WDFY3: variants seen among roughly 807,000 people sequenced by gnomAD.
The protein encoded by WDFY3 is WD repeat and FYVE domain containing 3.
WDFY3 carries 66 observed loss-of-function variants against 409.6 expected under a neutral mutation model. That is an observed-to-expected ratio of 0.16 (90% CI 0.13 to 0.20). WDFY3 has a LOEUF of 0.20. Among genes scored for constraint, WDFY3 ranks in the 10% least tolerant of loss-of-function variants. The pLI, the probability that WDFY3 is intolerant of heterozygous loss-of-function variation, is 1.00. For synonymous variants in WDFY3, 1,521 were observed against 1,537.1 expected, an observed-to-expected ratio of 0.99 and a Z score of 0.25; for missense variants, 3,031 against 4,298.1, an observed-to-expected ratio of 0.71 and a Z score of 8.24.
At chr4:84,738,960 T>C in intron 40 of WDFY3, 50 bp downstream of exon 40, 3 of 1,594,262 alleles carry the variant, frequency 1.9e-6, no homozygotes, top group Non-Finnish European at 2.6e-6. Flanking sequence ...TCTTAAAAAC[T>C]GGAGATAAAA....
intron 56 of WDFY3, among the ~76,000 whole-genome samples, chr4:84,699,031 G>T (rs1024590717): frequency 2.6e-5 from 4 of 151,670 alleles, no homozygotes; most frequent in Non-Finnish European, 5.9e-5. Flanking sequence ...TTTTCTGTGT[G>T]AAGAGGCAAA....
At position 84,860,550 on chromosome 4, in the gene WDFY3, C is replaced by T. The variant is rs1215283657; in HGVS notation, c.42G>A (p.Glu14=). The stretch of plus-strand genomic sequence containing the variant: ...AGGCGTTGTCTTGTGGGCTGCACTC[C>T]TCCTGCCTCGGCCGCCCCATGATCC... The part of the protein sequence containing the change: ...VKRIMGRPRQ[E]ECSPQDNALG... The change falls in exon 4 of 68, where the codon GAG becomes GAA. Residue 14 remains glutamate, a synonymous_variant. Coordinates refer to ENST00000295888, the MANE Select transcript of WDFY3 (RefSeq NM_014991.6). 8 of 1,612,904 alleles carry T rather than the reference C, an allele frequency of 5.0e-6. No individual in the cohort carries two copies. The highest frequency in any genetic ancestry group is 6.8e-6 in the Non-Finnish European group (8 of 1,179,112).
chr4:84,703,745 TG>T (rs1247958730), intron 55 of WDFY3, among the ~76,000 whole-genome samples: 1 of 152,166 alleles, frequency 6.6e-6, no homozygotes, highest in Non-Finnish European at 1.5e-5. Context: ...CATCCCACCT[TG>T]CCCAACCTCC....
chr4:84,695,038 CACTGGT>C (rs1279191078), intron 58 of WDFY3, among the ~76,000 whole-genome samples: 1 of 152,038 alleles, frequency 6.6e-6, no homozygotes, highest in African/African-American at 2.4e-5. Context: ...AAGTATGAGC[CACTGGT>C]ACTTAGTAAA....
intron 36 of WDFY3, among the ~76,000 whole-genome samples, chr4:84,748,378 CA>C (rs1739889135): frequency 1.3e-5 from 2 of 152,128 alleles, no homozygotes; most frequent in South Asian, 4.1e-4. Context: ...TGAACTTGGT[CA>C]AGGCCACACA....
chr4:84,858,370 T>C (rs540580428), intron 4 of WDFY3, among the ~76,000 whole-genome samples: 11 of 152,228 alleles, frequency 7.2e-5, no homozygotes, highest in Non-Finnish European at 1.3e-4. Flanking sequence ...AACACTGATA[T>C]GTGAACACTG....
intron 36 of WDFY3, among the ~76,000 whole-genome samples, chr4:84,748,305 CAGAG>C (rs1739868057): frequency 2.0e-5 from 3 of 152,110 alleles, no homozygotes; most frequent in Admixed American, 6.5e-5. Context: ...CAATAATTCT[CAGAG>C]AGAGGTTCAC....
chr4:84,848,327 T>C lies in WDFY3; in HGVS notation c.304+1575A>G, dbSNP rs183127415. Among the ~76,000 whole-genome samples the C allele has an allele frequency of 5.3e-3, 803 of 151,620 alleles. 6 individuals carry two copies. Among genetic ancestry groups the C allele is most frequent in the Non-Finnish European group, 9.1e-3 (620 of 67,916 alleles). The stretch of plus-strand genomic sequence containing the variant: ...GTAGCTTTCGATTTCTCAATAACAA[T>C]GTAAGAGCCTAAATTATAAAAGAAA... On this transcript the variant is annotated intron_variant, in intron 5 of 67. Transcript: ENST00000295888.
At chr4:84,695,551 GA>G (rs1729996593) in intron 58 of WDFY3, among the ~76,000 whole-genome samples, 4 of 145,948 alleles carry the variant, frequency 2.7e-5, no homozygotes, top group African/African-American at 1.0e-4. Flanking sequence ...GAGAGAGAGA[GA>G]GGCACGCATA....
chr4:84,846,094 A>G (rs1758045764), intron 5 of WDFY3, among the ~76,000 whole-genome samples: 1 of 152,198 alleles, frequency 6.6e-6, no homozygotes. Flanking sequence ...GACACAGGAT[A>G]GAAGACCTAT....
chr4:84,713,363 A>C, intron 50 of WDFY3, 124 bp from the exon 51 acceptor site: 4 of 759,450 alleles, frequency 5.3e-6, no homozygotes, highest in Non-Finnish European at 8.8e-6. Flanking sequence ...AACCCACTAA[A>C]TGGCAGGCAA....
chr4:84,836,859 A>G, intron 7 of WDFY3, 70 bp downstream of exon 7: 1 of 1,270,280 alleles, frequency 7.9e-7, no homozygotes, highest in East Asian at 2.8e-5. Flanking sequence ...AATATGTAAA[A>G]CATCTATTTA....
chr4:84,744,809 C>A (rs1379453664), intron 36 of WDFY3, among the ~76,000 whole-genome samples: 2 of 141,330 alleles, frequency 1.4e-5, no homozygotes, highest in Non-Finnish European at 3.0e-5. Flanking sequence ...GCCGAGATCC[C>A]GCCACTGCAC....
chr4:84,839,250 T>C (rs916426184), intron 6 of WDFY3, among the ~76,000 whole-genome samples: 1 of 152,036 alleles, frequency 6.6e-6, no homozygotes, highest in Non-Finnish European at 1.5e-5. Context: ...ATAGTAAATA[T>C]CTAAATTATA....
At chr4:84,793,308 T>C (rs992291344) in intron 21 of WDFY3, among the ~76,000 whole-genome samples, 5 of 152,124 alleles carry the variant, frequency 3.3e-5, no homozygotes, top group Non-Finnish European at 7.4e-5. Context: ...CTAAAGGAGA[T>C]GTAGGTTTTA....
chr4:84,835,497 G>A (rs900512427), intron 7 of WDFY3, among the ~76,000 whole-genome samples: 1 of 152,090 alleles, frequency 6.6e-6, no homozygotes, highest in Admixed American at 6.5e-5. Flanking sequence ...TGAAGTCGTG[G>A]GGTTATCTTG....
rs1560897746 is a variant in WDFY3, at chr4:84,841,218, C to T, written c.350G>A (p.Ser117Asn). The T allele has an allele frequency of 1.2e-6, 2 of 1,613,170 alleles. No individual in the cohort carries two copies. Among genetic ancestry groups the T allele is most frequent in the Non-Finnish European group, 1.7e-6 (2 of 1,179,836 alleles). Residue 117 changes from serine to asparagine, a missense_variant, in exon 6 of 68, where the codon AGT (serine) becomes AAT (asparagine). Physicochemically the swap from Ser to Asn is conservative, Grantham distance 46. Around this residue, in one of 16 missense-constraint regions of WDFY3, gnomAD observed 1,322 missense variants for 1,697.9 expected, o/e 0.78. Coordinates refer to ENST00000295888, the MANE Select transcript of WDFY3 (RefSeq NM_014991.6). ...AIVQFLEINQ[S>N]EEASRGWMLL... ...CATCCAGCCTCTACTGGCTTCTTCA[C>T]TCTGATTAATCTCTAGGAACTGAAC...
chr4:84,693,068 A>C (rs778859872), intron 58 of WDFY3, 36 bp from the exon 59 acceptor site: 2 of 1,594,632 alleles, frequency 1.3e-6, no homozygotes, highest in Middle Eastern at 1.7e-4. Context: ...TTATAATGAA[A>C]GATAACACTT....
chr4:84,914,518 CA>C (rs1253250491), intron 2 of WDFY3, among the ~76,000 whole-genome samples: 36 of 152,208 alleles, frequency 2.4e-4, no homozygotes, highest in Non-Finnish European at 1.5e-4. Flanking sequence ...ACTGGAGGGG[CA>C]CTGGCATCCC....
Sources: gnomAD v4.1 joint callset for allele counts (sites outside exome capture counted in the v4.1 genomes callset) on GRCh38, gnomAD v4.1.1 for gene constraint, gnomAD v4.1.1 regional missense constraint, MANE v1.5 for transcripts, NCBI Gene and HGNC (gene_info 2026-07-23, HGNC 2026-07-21) for gene names.